CSGALNACT1: variants seen among roughly 807,000 people sequenced by gnomAD.
CSGALNACT1 encodes beta4GalNAcT-1.
CSGALNACT1 carries 52 observed loss-of-function variants against 51.0 expected under a neutral mutation model. The observed-to-expected ratio is 1.02, with a 90% CI of 0.82 to 1.29. CSGALNACT1 has a LOEUF of 1.29. CSGALNACT1 is among the 50% of genes most tolerant of loss of function. The pLI is 0.00. For synonymous variants in CSGALNACT1, 341 were observed against 254.4 expected, an observed-to-expected ratio of 1.34 and a Z score of -3.24; for missense variants, 935 against 679.2, an observed-to-expected ratio of 1.38 and a Z score of -4.19.
chr8:19,683,077 G>T, upstream of CSGALNACT1: 1 of 234,504 alleles, frequency 4.3e-6, no homozygotes, highest in Non-Finnish European at 8.7e-6. Context: ...GGAACAGATA[G>T]GCAACTGTGT....
intron 1 of CSGALNACT1, among the ~76,000 whole-genome samples, chr8:19,699,159 A>G (rs777721985): frequency 2.6e-5 from 4 of 152,196 alleles, no homozygotes; most frequent in Non-Finnish European, 5.9e-5. Flanking sequence ...GGCATGAGCC[A>G]CCGCGCCCAG....
At chr8:19,645,033 G>C (rs2957629) in intron 1 of CSGALNACT1, among the ~76,000 whole-genome samples, 2 of 152,238 alleles carry the variant, frequency 1.3e-5, no homozygotes, top group South Asian at 4.1e-4. Context: ...CTATGTAAAA[G>C]TCTTTTAATC....
At chr8:19,462,555 T>A (rs1383021122) in intron 4 of CSGALNACT1, among the ~76,000 whole-genome samples, 1 of 152,082 alleles carries the variant, frequency 6.6e-6, no homozygotes, top group Non-Finnish European at 1.5e-5. Flanking sequence ...GCCTTGGAGG[T>A]GCCTGCATCA....
At chr8:19,685,698 G>C (rs1025710699), upstream of CSGALNACT1, among the ~76,000 whole-genome samples, 1 of 152,084 alleles carries the variant, frequency 6.6e-6, no homozygotes, top group Non-Finnish European at 1.5e-5. Flanking sequence ...TGGAACGATG[G>C]TCCCTCCCTC....
At chr8:19,478,363 G>C (rs1025140237) in intron 4 of CSGALNACT1, among the ~76,000 whole-genome samples, 32 of 138,544 alleles carry the variant, frequency 2.3e-4, no homozygotes, top group Admixed American at 1.9e-3. Flanking sequence ...GCAGTGAGCC[G>C]AGATCGCACC....
At chr8:19,693,484 C>G (rs569686733) in intron 1 of CSGALNACT1, among the ~76,000 whole-genome samples, 1 of 152,230 alleles carries the variant, frequency 6.6e-6, no homozygotes, top group East Asian at 1.9e-4. Context: ...TAACTAAGTA[C>G]TTTCATTAAA....
At chr8:19,493,871 T>TACACACACACACACACAC (rs57708862) in intron 4 of CSGALNACT1, among the ~76,000 whole-genome samples, 1 of 149,002 alleles carries the variant, frequency 6.7e-6, no homozygotes, top group Non-Finnish European at 1.5e-5. Context: ...TGTGTGTTTA[T>TACACACACACACACACAC]ACACACACAC....
intron 1 of CSGALNACT1, among the ~76,000 whole-genome samples, chr8:19,734,118 C>G (rs991374971): frequency 6.6e-6 from 1 of 152,122 alleles, no homozygotes; most frequent in Admixed American, 6.5e-5. Context: ...AATGGCCACT[C>G]CCCATATCAC....
In CSGALNACT1 at chr8:19,542,470, G is replaced by T. The variant is rs17128608; in HGVS notation, c.-296-36340C>A. Reference sequence around the variant, plus strand: ...CATGTGACAGTCTCCCAGTCCCAGAGCCCTCGGTCTATTTTTCTCCTTTCC... The same window carrying T: ...CATGTGACAGTCTCCCAGTCCCAGATCCCTCGGTCTATTTTTCTCCTTTCC... On this transcript the variant is annotated intron_variant, in intron 3 of 9. Coordinates refer to ENST00000454498, the Ensembl canonical transcript of CSGALNACT1. Among the ~76,000 whole-genome samples, 1,364 of 152,218 alleles carry T rather than the reference G, an allele frequency of 9.0e-3. 19 individuals carry two copies. Among genetic ancestry groups the T allele is most frequent in the African/African-American group, 0.031 (1,302 of 41,532 alleles).
chr8:19,552,688 T>C (rs577617809), intron 3 of CSGALNACT1, among the ~76,000 whole-genome samples: 12 of 152,346 alleles, frequency 7.9e-5, no homozygotes, highest in Admixed American at 6.5e-4. Flanking sequence ...TGAAAATTTG[T>C]ATTGCTGATG....
chr8:19,449,993 G>A (rs2062809337), intron 5 of CSGALNACT1, among the ~76,000 whole-genome samples: 1 of 141,266 alleles, frequency 7.1e-6, no homozygotes. Flanking sequence ...AATATGGAAG[G>A]TAAGAAACAA....
At position 19,461,352 on chromosome 8, in the gene CSGALNACT1, C is replaced by G. The variant is rs116960282; in HGVS notation, c.635-2710G>C. ...TGTCTGGGATCACAAGGTGAACCACCAACTCCCAGGGCCCAAATGAGGTGG... is the reference window on the plus strand; with the variant it reads ...TGTCTGGGATCACAAGGTGAACCACGAACTCCCAGGGCCCAAATGAGGTGG... On this transcript the variant is annotated intron_variant, in intron 4 of 9. Coordinates refer to ENST00000454498, the Ensembl canonical transcript of CSGALNACT1. Among the ~76,000 whole-genome samples, 169 of 152,340 alleles carry G rather than the reference C, an allele frequency of 1.1e-3. 3 individuals are homozygous for G. The East Asian group carries it at 0.031, about 28-fold the overall frequency.
At position 19,529,529 on chromosome 8, in the gene CSGALNACT1, T is replaced by C. The variant is rs797009875; in HGVS notation, c.-296-23399A>G. On this transcript the variant is annotated intron_variant, in intron 3 of 9. Transcript: ENST00000454498. The stretch of plus-strand genomic sequence containing the variant: ...CTCTTAATAACATTTCATTCATCAT[T>C]ACTGCAACCCTTTCCCCATTACTAA... Among the ~76,000 whole-genome samples the C allele has an allele frequency of 2.6e-5, 4 of 152,356 alleles. No individual in the cohort carries two copies. The East Asian group carries it at 5.8e-4, about 22-fold the overall frequency.
chr8:19,421,900 G>A (rs1394893226), intron 6 of CSGALNACT1, among the ~76,000 whole-genome samples: 2 of 152,120 alleles, frequency 1.3e-5, no homozygotes. Context: ...ATGATGGGTA[G>A]AGCACTGGTC....
chr8:19,744,203 A>C (rs901048097), intron 1 of CSGALNACT1, among the ~76,000 whole-genome samples: 4 of 152,228 alleles, frequency 2.6e-5, no homozygotes, highest in African/African-American at 9.6e-5. Context: ...ATAATCATTA[A>C]AAGTAAGACC....
At chr8:19,407,297 T>G (rs187479647) in intron 9 of CSGALNACT1, among the ~76,000 whole-genome samples, 2 of 152,204 alleles carry the variant, frequency 1.3e-5, no homozygotes, top group East Asian at 3.9e-4. Context: ...CGTCCCTGAT[T>G]TTAAAGTGAG....
In CSGALNACT1 at chr8:19,650,604, C is replaced by A. The variant is rs561643901; in HGVS notation, c.-544+31869G>T. ...GTCAACGTGGTCCTGGTTCCCAAGACCATCAGGTGTGGAGACAGCATGCCA... is the reference window on the plus strand; with the variant it reads ...GTCAACGTGGTCCTGGTTCCCAAGAACATCAGGTGTGGAGACAGCATGCCA... On this transcript the variant is annotated intron_variant, in intron 1 of 9. Transcript: ENST00000332246. Among the ~76,000 whole-genome samples the A allele has an allele frequency of 3.9e-5, 6 of 152,234 alleles. No individual in the cohort carries two copies. The East Asian group carries it at 9.6e-4, about 24-fold the overall frequency.
At chr8:19,471,418 G>A (rs2068141764) in intron 4 of CSGALNACT1, among the ~76,000 whole-genome samples, 1 of 151,928 alleles carries the variant, frequency 6.6e-6, no homozygotes, top group Non-Finnish European at 1.5e-5. Flanking sequence ...TGGACCCTCA[G>A]GTACCCACTT....
intron 1 of CSGALNACT1, among the ~76,000 whole-genome samples, chr8:19,667,017 A>G (rs1564386338): frequency 1.9e-4 from 7 of 36,690 alleles, no homozygotes; most frequent in East Asian, 9.8e-4. Context: ...GAAAGAAAGA[A>G]AGGAAGGAAG....
Sources: gnomAD v4.1 joint callset for allele counts (sites outside exome capture counted in the v4.1 genomes callset) on GRCh38, gnomAD v4.1.1 for gene constraint, MANE v1.5 for transcripts, NCBI Gene and HGNC (gene_info 2026-07-23, HGNC 2026-07-21) for gene names.